Variants in TRERF1 observed in about 807,000 individuals in gnomAD.
TRERF1 encodes the protein transcriptional-regulating factor 1.
TRERF1 carries 27 observed loss-of-function variants against 122.9 expected under a neutral mutation model. The ratio of observed to expected loss-of-function variants is 0.22; its 90% CI spans 0.16 to 0.30. The LOEUF is 0.30. Among genes scored for constraint, TRERF1 ranks in the 10% least tolerant of loss-of-function variants. The pLI is 1.00. For synonymous variants in TRERF1, 636 were observed against 641.7 expected, an observed-to-expected ratio of 0.99 and a Z score of 0.13; for missense variants, 1,248 against 1,560.3, an observed-to-expected ratio of 0.80 and a Z score of 3.37.
chr6:42,374,137 T>TAAA (rs373255205), intron 2 of TRERF1, among the ~76,000 whole-genome samples: 11 of 127,398 alleles, frequency 8.6e-5, no homozygotes, highest in South Asian at 2.4e-4. Flanking sequence ...GTCTTTTTTT[T>TAAA]AAAAAAAAAA....
intron 15 of TRERF1, among the ~76,000 whole-genome samples, chr6:42,238,868 C>A (rs982144970): frequency 8.1e-5 from 12 of 148,230 alleles, no homozygotes; most frequent in Admixed American, 6.7e-5. Flanking sequence ...CACACACACA[C>A]ACAATTTCTA....
At chr6:42,394,867 C>A (rs1453142864) in intron 2 of TRERF1, among the ~76,000 whole-genome samples, 1 of 152,080 alleles carries the variant, frequency 6.6e-6, no homozygotes, top group Admixed American at 6.5e-5. Flanking sequence ...AAAATAAAAA[C>A]CCAACCTCCC....
intron 2 of TRERF1, among the ~76,000 whole-genome samples, chr6:42,412,427 T>C (rs958426365): frequency 3.9e-5 from 6 of 152,224 alleles, no homozygotes; most frequent in African/African-American, 1.4e-4. Flanking sequence ...GGGTCCTATG[T>C]ATGGTCATAA....
chr6:42,279,849 G>C (rs1172615722), intron 4 of TRERF1, among the ~76,000 whole-genome samples: 1 of 152,072 alleles, frequency 6.6e-6, no homozygotes, highest in African/African-American at 2.4e-5. Flanking sequence ...AAAAACCAAA[G>C]GGTCACCCAG....
chr6:42,430,621 C>T (rs912321090), intron 2 of TRERF1, among the ~76,000 whole-genome samples: 32 of 152,054 alleles, frequency 2.1e-4, no homozygotes, highest in African/African-American at 7.0e-4. Context: ...GTTGGCTGGG[C>T]GCGGTGGCTC....
chr6:42,391,840 T>C (rs954430362), intron 2 of TRERF1, among the ~76,000 whole-genome samples: 4 of 152,194 alleles, frequency 2.6e-5, no homozygotes, highest in African/African-American at 9.7e-5. Flanking sequence ...GCTCTCGATG[T>C]GTCTTCTGGA....
intron 2 of TRERF1, among the ~76,000 whole-genome samples, chr6:42,427,630 G>A (rs1783834716): frequency 7.9e-5 from 12 of 150,950 alleles, no homozygotes; most frequent in Admixed American, 7.9e-4. Flanking sequence ...GCTCACTGCA[G>A]CCTCCACCTG....
chr6:42,259,578 T>C lies in TRERF1; in HGVS notation c.2030A>G (p.Tyr677Cys). 6.2e-7 allele frequency: 1 copy of C among 1,613,524 alleles called. No individual in the cohort carries two copies. The highest frequency in any genetic ancestry group is 8.5e-7 in the Non-Finnish European group (1 of 1,179,808). The change falls in exon 9 of 18, where the codon TAC becomes TGC. Residue 677 changes from tyrosine to cysteine, a missense_variant. By Grantham distance (194) the Tyr-to-Cys change is radical. Transcript: ENST00000372922. The surrounding 1 kb of genome is among the most constrained non-coding windows in gnomAD (Gnocchi z 4.9). ...GCTCTGGTACAGGGTGGCGCCCGAG[T>C]AGGAGGCAGCGGGGTTCGGGTTGTA... is the stretch of plus-strand genomic sequence containing the variant.
chr6:42,287,003 G>A (rs1278369426), intron 4 of TRERF1, among the ~76,000 whole-genome samples: 1 of 144,790 alleles, frequency 6.9e-6, no homozygotes, highest in Non-Finnish European at 1.5e-5. Context: ...GGACATGGAT[G>A]AAATTGGAAA....
intron 4 of TRERF1, among the ~76,000 whole-genome samples, chr6:42,271,109 C>T (rs967854429): frequency 4.7e-5 from 7 of 149,290 alleles, no homozygotes; most frequent in South Asian, 4.4e-4. Flanking sequence ...CACTTGAACC[C>T]GGGAGGCAGA....
intron 16 of TRERF1, among the ~76,000 whole-genome samples, chr6:42,235,598 A>G (rs1771960490): frequency 6.6e-6 from 1 of 152,154 alleles, no homozygotes; most frequent in East Asian, 1.9e-4. Context: ...ACTCCCTTTC[A>G]GCCTGTTTAT....
At chr6:42,340,247 T>A (rs562568045) in intron 3 of TRERF1, among the ~76,000 whole-genome samples, 1 of 152,222 alleles carries the variant, frequency 6.6e-6, no homozygotes, top group East Asian at 1.9e-4. Flanking sequence ...CACCACCCCA[T>A]TACTGCTCTA....
intron 10 of TRERF1, 68 bp downstream of exon 10, chr6:42,258,067 A>G: frequency 1.4e-6 from 2 of 1,393,620 alleles, no homozygotes; most frequent in South Asian, 1.2e-5. Flanking sequence ...CTCTGACTAC[A>G]AAAGTATTAA....
chr6:42,386,181 T>C (rs1177703376), intron 2 of TRERF1, among the ~76,000 whole-genome samples: 2 of 152,220 alleles, frequency 1.3e-5, no homozygotes, highest in Admixed American at 6.5e-5. Flanking sequence ...ACCCTGTCTT[T>C]ACTAAAAACA....
chr6:42,256,584 A>G (rs1420476478), intron 12 of TRERF1, 144 bp downstream of exon 12: 1 of 645,376 alleles, frequency 1.5e-6, no homozygotes, highest in Non-Finnish European at 2.7e-6. Flanking sequence ...CTACCCACCG[A>G]GAGAAGGAAT....
At chr6:42,358,053 G>T (rs950644665) in intron 3 of TRERF1, among the ~76,000 whole-genome samples, 2 of 152,072 alleles carry the variant, frequency 1.3e-5, no homozygotes, top group South Asian at 2.1e-4. Flanking sequence ...GGGCTCCTGG[G>T]ATCAAACCAA....
chr6:42,385,094 T>C (rs557756491), intron 2 of TRERF1, among the ~76,000 whole-genome samples: 5 of 152,114 alleles, frequency 3.3e-5, no homozygotes, highest in Non-Finnish European at 5.9e-5. Context: ...TCTCCTGCCT[T>C]AGCCTCCTGA....
chr6:42,403,507 G>A (rs1779720063), intron 2 of TRERF1, among the ~76,000 whole-genome samples: 1 of 152,172 alleles, frequency 6.6e-6, no homozygotes, highest in Non-Finnish European at 1.5e-5. Context: ...CCAGGAGCCA[G>A]GAGAGAGGCA....
At chr6:42,334,556 T>C (rs1765810380) in intron 3 of TRERF1, among the ~76,000 whole-genome samples, 1 of 152,204 alleles carries the variant, frequency 6.6e-6, no homozygotes, top group South Asian at 2.1e-4. Flanking sequence ...GCAAATCCTC[T>C]ATCTAGGCCT....
Sources: allele counts gnomAD v4.1 joint callset (sites outside exome capture counted in the v4.1 genomes callset), GRCh38; gene constraint gnomAD v4.1.1; non-coding constraint Gnocchi (gnomAD v3.1); transcripts MANE v1.5; gene names NCBI Gene and HGNC (gene_info 2026-07-23, HGNC 2026-07-21).